Variants in OR6N1 observed in about 807,000 individuals in gnomAD.
OR6N1 encodes olfactory receptor family 6 subfamily N member 1.
For synonymous variants in OR6N1, 170 were observed against 150.7 expected (o/e 1.13, Z -0.94); for missense variants, 394 against 371.7 (o/e 1.06, Z -0.49).
chr1:158,837,129 G>A, the OR6N1 span, among the ~76,000 whole-genome samples: 3 of 151,752 alleles, frequency 2.0e-5, no homozygotes, highest in Non-Finnish European at 4.4e-5. Context: ...GGTATATGTT[G>A]GGACAATGTT....
At chr1:158,769,001 G>T (rs73015560) in intron 1 of OR6N1, among the ~76,000 whole-genome samples, 1 of 152,084 alleles carries the variant, frequency 6.6e-6, no homozygotes, top group South Asian at 2.1e-4. Flanking sequence ...TATGTCAAGT[G>T]CCTAGAGCCA....
chr1:158,775,003 T>C (rs921158654), upstream of OR6N1: 2 of 152,242 alleles, frequency 1.3e-5, no homozygotes, highest in African/African-American at 4.8e-5. Context: ...CATTGAATAC[T>C]CATCCTATTT....
chr1:158,820,424 T>C, the OR6N1 span, among the ~76,000 whole-genome samples: 1 of 152,246 alleles, frequency 6.6e-6, no homozygotes, highest in Admixed American at 6.5e-5. Flanking sequence ...TAACCCTTTT[T>C]TGCCTCATTT....
chr1:158,823,942 AT>A, the OR6N1 span, among the ~76,000 whole-genome samples: 310 of 152,238 alleles, frequency 2.0e-3, 2 homozygotes, highest in African/African-American at 6.9e-3. Flanking sequence ...GAATTTCTCA[AT>A]TTCTACCTTA....
chr1:158,776,750 CCTT>C (rs749886279), upstream of OR6N1: 2 of 1,613,848 alleles, frequency 1.2e-6, no homozygotes, highest in South Asian at 2.2e-5. Context: ...TTAATGATTT[CCTT>C]GTTACGAAGA....
chr1:158,780,114 C>T, the OR6N1 span, among the ~76,000 whole-genome samples: 4 of 152,314 alleles, frequency 2.6e-5, no homozygotes, highest in South Asian at 4.1e-4. Context: ...ATAAACTTAG[C>T]GTCTCACATT....
At chr1:158,816,171 A>C in the OR6N1 span, among the ~76,000 whole-genome samples, 5 of 151,890 alleles carry the variant, frequency 3.3e-5, no homozygotes, top group Admixed American at 3.3e-4. Context: ...AAAAAAAAAA[A>C]AGAATATGGT....
the OR6N1 span, among the ~76,000 whole-genome samples, chr1:158,838,148 A>T: frequency 6.6e-6 from 1 of 151,932 alleles, no homozygotes; most frequent in East Asian, 1.9e-4. Flanking sequence ...GTCATGTTTC[A>T]TGTTTATGTA....
the OR6N1 span, among the ~76,000 whole-genome samples, chr1:158,782,684 A>G: frequency 6.6e-6 from 1 of 152,210 alleles, no homozygotes; most frequent in Non-Finnish European, 1.5e-5. Context: ...ATCTTAATGA[A>G]TCTTACTTGT....
the OR6N1 span, chr1:158,777,575 C>T: frequency 6.2e-7 from 1 of 1,613,910 alleles, no homozygotes; most frequent in East Asian, 2.2e-5. Context: ...CTGACATAGC[C>T]CACACTGGCA....
At chr1:158,787,188 C>T in the OR6N1 span, among the ~76,000 whole-genome samples, 1 of 152,034 alleles carries the variant, frequency 6.6e-6, no homozygotes, top group Non-Finnish European at 1.5e-5. Context: ...TCCTCCCCCT[C>T]TTGCTCTCGC....
At chr1:158,780,708 G>GTAAA in the OR6N1 span, among the ~76,000 whole-genome samples, 2 of 152,280 alleles carry the variant, frequency 1.3e-5, no homozygotes, top group African/African-American at 4.8e-5. Flanking sequence ...TCATACTGTT[G>GTAAA]TAAAGTAGAA....
intron 1 of OR6N1, among the ~76,000 whole-genome samples, chr1:158,770,342 T>A (rs1001883761): frequency 1.3e-5 from 2 of 152,194 alleles, no homozygotes; most frequent in African/African-American, 4.8e-5. Flanking sequence ...GTATTATTAT[T>A]TTCCACGGAA....
At chr1:158,822,783 T>C in the OR6N1 span, among the ~76,000 whole-genome samples, 6 of 152,208 alleles carry the variant, frequency 3.9e-5, no homozygotes, top group African/African-American at 1.4e-4. Context: ...TCTTTTCTTG[T>C]TTTGGTTTTC....
In OR6N1 at chr1:158,766,440, C is replaced by T; in HGVS notation, c.243G>A (p.Met81Ile). 1 of 1,614,116 alleles carries T rather than the reference C, an allele frequency of 6.2e-7. No individual in the cohort carries two copies. The highest frequency in any genetic ancestry group is 2.2e-5 in the East Asian group (1 of 44,880). Residue 81 changes from methionine (M) to isoleucine (I), a missense_variant, in exon 2 of 2, where the codon ATG (methionine) becomes ATA (isoleucine). Transcript: ENST00000641846. ...LGYTAATIPK[M>I]LANLLSEKKT... is the part of the protein sequence containing the mutation. ...TTTTCTCACTGAGCAAGTTTGCCAGCATCTTAGGGATGGTGGCAGCTGTAT... is the reference window on the plus strand; with the variant it reads ...TTTTCTCACTGAGCAAGTTTGCCAGTATCTTAGGGATGGTGGCAGCTGTAT...
At chr1:158,795,830 T>C in the OR6N1 span, among the ~76,000 whole-genome samples, 1 of 152,198 alleles carries the variant, frequency 6.6e-6, no homozygotes, top group African/African-American at 2.4e-5. Flanking sequence ...TGGTTCACAG[T>C]GTAGGCTGCT....
chr1:158,837,148 T>C, the OR6N1 span, among the ~76,000 whole-genome samples: 1 of 152,026 alleles, frequency 6.6e-6, no homozygotes, highest in African/African-American at 2.4e-5. Context: ...TTCCATATGT[T>C]CGTGTGAAAA....
chr1:158,827,494 T>A, the OR6N1 span, among the ~76,000 whole-genome samples: 1 of 152,156 alleles, frequency 6.6e-6, no homozygotes. Flanking sequence ...ATACTTGAGA[T>A]GGAAGGGAGC....
At chr1:158,793,938 A>G in the OR6N1 span, among the ~76,000 whole-genome samples, 2 of 152,112 alleles carry the variant, frequency 1.3e-5, no homozygotes, top group Middle Eastern at 3.2e-3. Context: ...CTTCCCAGCC[A>G]TCGGAAAATT....
Sources: gnomAD v4.1 joint callset for allele counts (sites outside exome capture counted in the v4.1 genomes callset) on GRCh38, gnomAD v4.1.1 for gene constraint, MANE v1.5 for transcripts, NCBI Gene and HGNC (gene_info 2026-07-23, HGNC 2026-07-21) for gene names.